The following SLA2 variants were observed in gnomAD, a reference collection of about 807,000 sequenced individuals.
SLA2 encodes the protein src-like-adapter 2.
In SLA2, 22 loss-of-function variants were observed where a neutral mutation model predicts 27.3. The observed-to-expected ratio is 0.81, with a 90% CI of 0.58 to 1.15. The LOEUF is 1.15. SLA2 is among the 50% of genes most tolerant of loss of function. The pLI is 0.00. For synonymous variants in SLA2, 131 were observed against 137.8 expected, an observed-to-expected ratio of 0.95 and a Z score of 0.34; for missense variants, 304 against 322.2, an observed-to-expected ratio of 0.94 and a Z score of 0.43.
At chr20:36,632,521 C>T in intron 5 of SLA2, 74 bp downstream of exon 5, 1 of 1,183,670 alleles carries the variant, frequency 8.4e-7, no homozygotes. Context: ...GCCGCACCTG[C>T]AGCCATATAT....
chr20:36,619,605 C>T (rs888097303), intron 5 of SLA2, among the ~76,000 whole-genome samples: 1 of 151,492 alleles, frequency 6.6e-6, no homozygotes, highest in Admixed American at 6.6e-5. Flanking sequence ...ACATAGAGAC[C>T]CCCTTCCCAT....
chr20:36,629,477 CAA>C (rs35859171), intron 5 of SLA2, among the ~76,000 whole-genome samples: 7 of 141,630 alleles, frequency 4.9e-5, no homozygotes, highest in African/African-American at 1.8e-4. Flanking sequence ...ACTAAAAATA[CAA>C]AAAAAAAAAA....
At chr20:36,627,992 A>G (rs1295237843) in intron 5 of SLA2, among the ~76,000 whole-genome samples, 1 of 152,204 alleles carries the variant, frequency 6.6e-6, no homozygotes, top group East Asian at 1.9e-4. Context: ...ATACGACAAG[A>G]GCATAATGTA....
At chr20:36,619,350 A>AC (rs1211593173) in intron 5 of SLA2, among the ~76,000 whole-genome samples, 2 of 150,120 alleles carry the variant, frequency 1.3e-5, no homozygotes, top group African/African-American at 4.9e-5. Flanking sequence ...ACATGGTGAA[A>AC]CCCCATCTCT....
chr20:36,633,476 A>C (rs2039412847), intron 4 of SLA2, 67 bp downstream of exon 4: 1 of 1,365,344 alleles, frequency 7.3e-7, no homozygotes, highest in Admixed American at 1.7e-5. Context: ...AGCCGTGCAC[A>C]AAGGGGAGTT....
chr20:36,645,564 G>C (rs535870053), intron 1 of SLA2, among the ~76,000 whole-genome samples: 2 of 152,172 alleles, frequency 1.3e-5, no homozygotes, highest in African/African-American at 4.8e-5. Flanking sequence ...CAGCAAGTGC[G>C]CACCTGAGAT....
intron 5 of SLA2, among the ~76,000 whole-genome samples, chr20:36,627,896 G>A (rs1291637609): frequency 2.0e-5 from 3 of 152,214 alleles, no homozygotes; most frequent in Non-Finnish European, 4.4e-5. Flanking sequence ...CAGGCTTGAA[G>A]CTCGTGTGGA....
chr20:36,637,447 G>A (rs2039463169), intron 2 of SLA2, among the ~76,000 whole-genome samples: 1 of 151,450 alleles, frequency 6.6e-6, no homozygotes, highest in Non-Finnish European at 1.5e-5. Context: ...TGCCCGCCTC[G>A]GCCTCCCAGA....
chr20:36,613,577 T>G lies in SLA2; in HGVS notation c.*289A>C. Reference sequence around the variant, plus strand: ...GGAAACCCCAAACTCAAGAACTAACTAGGTCAGACCCCCCAGGAGGCTTAT... The same window carrying G: ...GGAAACCCCAAACTCAAGAACTAACGAGGTCAGACCCCCCAGGAGGCTTAT... On this transcript the variant is annotated 3_prime_UTR_variant, in exon 8 of 8. Coordinates refer to ENST00000262866, the MANE Select transcript of SLA2 (RefSeq NM_032214.4). 2 of 295,898 alleles carry G rather than the reference T, an allele frequency of 6.8e-6. No homozygotes were observed. The highest frequency in any genetic ancestry group is 1.3e-5 in the Non-Finnish European group (2 of 158,348). The allele number at this position is 295,898 out of a possible 1,614,324, so 18.3% of individuals were successfully genotyped here.
intron 5 of SLA2, among the ~76,000 whole-genome samples, chr20:36,617,132 C>T (rs1173718348): frequency 2.0e-5 from 3 of 151,566 alleles, no homozygotes; most frequent in South Asian, 2.1e-4. Context: ...CCGAGGTGGG[C>T]GGATCACCTG....
rs376447875 is a variant in SLA2, at chr20:36,614,760, G to C, written c.533-323C>G. ...TCTACTCACTGTCTACTTCCACACA[G>C]AGTGACCTGCAGAAAACCCCTAATG... On this transcript the variant is annotated intron_variant, in intron 6 of 7. Coordinates refer to ENST00000262866, the MANE Select transcript of SLA2 (RefSeq NM_032214.4). The C allele has an allele frequency of 2.9e-4, 283 of 985,412 alleles. No homozygotes were observed. The African/African-American group carries it at 4.1e-3, about 14-fold the overall frequency. The allele number at this position is 985,412 out of a possible 1,614,324, so 61.0% of individuals were successfully genotyped here.
intron 5 of SLA2, among the ~76,000 whole-genome samples, chr20:36,620,161 C>T (rs1003335825): frequency 2.6e-5 from 4 of 151,046 alleles, no homozygotes; most frequent in South Asian, 4.2e-4. Flanking sequence ...GAGGCCGAGG[C>T]GGGCAGATCA....
chr20:36,641,830 C>G (rs1465452464), intron 1 of SLA2, among the ~76,000 whole-genome samples: 1 of 151,824 alleles, frequency 6.6e-6, no homozygotes, highest in Non-Finnish European at 1.5e-5. Context: ...TGAGCTTCCT[C>G]CAGGCATACC....
intron 5 of SLA2, among the ~76,000 whole-genome samples, chr20:36,618,569 ATGT>A (rs1372507341): frequency 6.6e-6 from 1 of 151,886 alleles, no homozygotes; most frequent in African/African-American, 2.4e-5. Context: ...CATTAAAAAT[ATGT>A]TGTCTGGCCA....
intron 2 of SLA2, among the ~76,000 whole-genome samples, chr20:36,635,086 A>G (rs2039431098): frequency 6.6e-6 from 1 of 151,882 alleles, no homozygotes; most frequent in African/African-American, 2.4e-5. Context: ...CATAAGGCCC[A>G]ATTTCAAGGC....
intron 7 of SLA2, 42 bp downstream of exon 7, chr20:36,614,262 CT>C (rs1167919825): frequency 1.9e-6 from 3 of 1,613,988 alleles, no homozygotes; most frequent in Admixed American, 1.7e-5. Context: ...GTCCTTCTAA[CT>C]CTTGGTCCTG....
chr20:36,615,069 T>C lies in SLA2; in HGVS notation c.532+156A>G, dbSNP rs574403239. 38 of 985,438 alleles carry C rather than the reference T, an allele frequency of 3.9e-5. No homozygotes were observed. In the South Asian group the frequency reaches 1.6e-3, roughly 43 times the overall value. 61.0% of individuals were successfully genotyped at this position (985,438 alleles called of 1,614,324 possible). A position where few individuals can be genotyped will look rare whatever the true frequency, so the allele number is the denominator to read the frequency against. ...CGAGGTGAAGACAGGGCTCCCAGCC[T>C]GCATTTCTTGGCATAGGGACTGGCG... On this transcript the variant is annotated intron_variant, in intron 6 of 7. Coordinates refer to ENST00000262866, the MANE Select transcript of SLA2 (RefSeq NM_032214.4).
intron 5 of SLA2, among the ~76,000 whole-genome samples, chr20:36,625,216 AT>A (rs71186005): frequency 0.025 from 1,983 of 78,464 alleles, 35 homozygotes; most frequent in African/African-American, 0.091. Flanking sequence ...ACGTACCCTG[AT>A]TTTTTTTTTT....
chr20:36,612,362 C>A lies in SLA2; in HGVS notation c.*1504G>T. The A allele has an allele frequency of 2.7e-6, 2 of 753,320 alleles. No individual in the cohort carries two copies. The highest frequency in any genetic ancestry group is 2.3e-6 in the Non-Finnish European group (1 of 443,844). The allele number at this position is 753,320 out of a possible 1,614,324, so 46.7% of individuals were successfully genotyped here. A position where few individuals can be genotyped will look rare whatever the true frequency, so the allele number is the denominator to read the frequency against. On this transcript the variant is annotated 3_prime_UTR_variant, in exon 8 of 8. Coordinates refer to ENST00000262866, the MANE Select transcript of SLA2 (RefSeq NM_032214.4). Reference sequence around the variant, plus strand: ...ATTTAATTTGATGCACCTCTGGATTCAGATGAAACATTAAATTGTCTTCCT... The same window carrying A: ...ATTTAATTTGATGCACCTCTGGATTAAGATGAAACATTAAATTGTCTTCCT...
Sources: gnomAD v4.1 joint callset for allele counts (sites outside exome capture counted in the v4.1 genomes callset) on GRCh38, gnomAD v4.1.1 for gene constraint, MANE v1.5 for transcripts, NCBI Gene and HGNC (gene_info 2026-07-23, HGNC 2026-07-21) for gene names.